PRKAA1: variants seen among roughly 807,000 people sequenced by gnomAD.
PRKAA1 encodes the protein 5'-AMP-activated protein kinase catalytic subunit alpha-1.
A neutral mutation model predicts 56.9 loss-of-function variants in PRKAA1; 23 were observed. That is an observed-to-expected ratio of 0.40 (90% CI 0.29 to 0.57). The LOEUF (loss-of-function observed/expected upper bound fraction) is 0.57. Ranked by LOEUF, PRKAA1 falls within the 20% of genes least tolerant of loss-of-function variation. The pLI, the probability that PRKAA1 is intolerant of heterozygous loss-of-function variation, is 0.39. For missense variants in PRKAA1, 413 were observed against 679.7 expected (o/e 0.61, Z 4.36); for synonymous variants, 226 against 227.0 (o/e 1.00, Z 0.04).
chr5:40,775,638 G>C (rs528523537), intron 2 of PRKAA1, 135 bp from the exon 3 acceptor site: 21 of 635,718 alleles, frequency 3.3e-5, no homozygotes, highest in Non-Finnish European at 5.5e-5. Context: ...AAAATTCTCT[G>C]CTCTCATGGA....
intron 1 of PRKAA1, among the ~76,000 whole-genome samples, chr5:40,795,008 T>TACACACACACAC (rs201435537): frequency 2.0e-5 from 3 of 149,946 alleles, no homozygotes; most frequent in African/African-American, 7.4e-5. Flanking sequence ...TACATATATA[T>TACACACACACAC]ACACACACAC....
At chr5:40,790,528 T>TTTC in intron 1 of PRKAA1, among the ~76,000 whole-genome samples, 1 of 151,242 alleles carries the variant, frequency 6.6e-6, no homozygotes, top group Non-Finnish European at 1.5e-5. Flanking sequence ...ACTCTTTCTT[T>TTTC]TTTTTTTTTT....
At chr5:40,768,948 TA>T (rs1172478518) in intron 5 of PRKAA1, 2 of 1,486,862 alleles carry the variant, frequency 1.3e-6, no homozygotes, top group Admixed American at 3.6e-5. Flanking sequence ...CTAAAAGGTT[TA>T]AAGAACAAAG....
At chr5:40,768,787 GTA>G in intron 5 of PRKAA1, 1 of 1,386,394 alleles carries the variant, frequency 7.2e-7, no homozygotes, top group Non-Finnish European at 9.3e-7. Flanking sequence ...AATTTCAGTA[GTA>G]TAGTGAAGGA....
chr5:40,779,036 C>A (rs1052996778), intron 1 of PRKAA1, among the ~76,000 whole-genome samples: 3 of 151,738 alleles, frequency 2.0e-5, no homozygotes, highest in Non-Finnish European at 4.4e-5. Flanking sequence ...TCAGTTCAAG[C>A]AATCCACCAG....
At chr5:40,772,533 T>C (rs889190592) in intron 3 of PRKAA1, among the ~76,000 whole-genome samples, 2 of 152,110 alleles carry the variant, frequency 1.3e-5, no homozygotes, top group Non-Finnish European at 2.9e-5. Context: ...TAATAAAATA[T>C]CATAGCATTT....
At chr5:40,773,791 A>C (rs575127643) in intron 3 of PRKAA1, among the ~76,000 whole-genome samples, 1 of 152,364 alleles carries the variant, frequency 6.6e-6, no homozygotes, top group South Asian at 2.1e-4. Context: ...TGAAGTAAGA[A>C]GCTTTTAAAC....
chr5:40,793,566 AATATGT>A (rs1744803375), intron 1 of PRKAA1, among the ~76,000 whole-genome samples: 1 of 152,228 alleles, frequency 6.6e-6, no homozygotes, highest in Admixed American at 6.5e-5. Context: ...TAAATTTACC[AATATGT>A]ATAAGTAATT....
At chr5:40,785,108 C>T (rs1231711472) in intron 1 of PRKAA1, among the ~76,000 whole-genome samples, 1 of 152,126 alleles carries the variant, frequency 6.6e-6, no homozygotes, top group Non-Finnish European at 1.5e-5. Context: ...ATTTGAGTAC[C>T]AGCACCTACT....
intron 1 of PRKAA1, among the ~76,000 whole-genome samples, chr5:40,784,621 ATTT>A (rs1409488905): frequency 6.6e-6 from 1 of 152,144 alleles, no homozygotes; most frequent in Non-Finnish European, 1.5e-5. Context: ...AACAAAAACA[ATTT>A]TTTACAACAT....
chr5:40,792,357 G>T (rs901889789), intron 1 of PRKAA1, among the ~76,000 whole-genome samples: 1 of 152,110 alleles, frequency 6.6e-6, no homozygotes, highest in Non-Finnish European at 1.5e-5. Flanking sequence ...TATTAGAAAG[G>T]TTACTTCGAA....
At chr5:40,769,641 A>G (rs1368988631) in intron 4 of PRKAA1, 138 bp from the exon 5 acceptor site, 6 of 677,210 alleles carry the variant, frequency 8.9e-6, no homozygotes. Flanking sequence ...CCTATGGTCT[A>G]TTGTAGCCAA....
At position 40,791,655 on chromosome 5, in the gene PRKAA1, T is replaced by C. The variant is rs570638413; in HGVS notation, c.127+6408A>G. Among the ~76,000 whole-genome samples the C allele has an allele frequency of 4.7e-4, 72 of 152,294 alleles. 1 individual carries two copies. The South Asian group carries it at 7.9e-3, about 17-fold the overall frequency. On this transcript the variant is annotated intron_variant, in intron 1 of 8. Transcript: ENST00000397128. ...CATTCCCACTTTAAAATTGAAAGAA[T>C]AAAAACGTGTTAAGGAAATAGCTTA...
intron 1 of PRKAA1, among the ~76,000 whole-genome samples, chr5:40,785,704 T>C (rs570158109): frequency 6.6e-6 from 1 of 152,258 alleles, no homozygotes; most frequent in South Asian, 2.1e-4. Flanking sequence ...CTGATTGTTA[T>C]CTTATTTGGA....
At chr5:40,784,576 T>A (rs1744393928) in intron 1 of PRKAA1, among the ~76,000 whole-genome samples, 1 of 152,190 alleles carries the variant, frequency 6.6e-6, no homozygotes, top group Admixed American at 6.5e-5. Flanking sequence ...CAGCTTAATT[T>A]GATGTGAGTT....
intron 1 of PRKAA1, among the ~76,000 whole-genome samples, chr5:40,790,631 C>T (rs777691879): frequency 2.6e-5 from 4 of 151,946 alleles, no homozygotes; most frequent in Admixed American, 6.6e-5. Flanking sequence ...CCTCTGCCTC[C>T]GGGGTTCAAG....
chr5:40,781,298 T>G (rs1285169025), intron 1 of PRKAA1, among the ~76,000 whole-genome samples: 1 of 152,136 alleles, frequency 6.6e-6, no homozygotes, highest in Non-Finnish European at 1.5e-5. Flanking sequence ...CCAGTAGAAT[T>G]TAGACAGTCA....
At chr5:40,778,856 A>G (rs1202006936) in intron 1 of PRKAA1, among the ~76,000 whole-genome samples, 1 of 136,158 alleles carries the variant, frequency 7.3e-6, no homozygotes, top group Non-Finnish European at 1.5e-5. Context: ...TCACAATCAG[A>G]GCTCACTGCA....
At position 40,795,224 on chromosome 5, in the gene PRKAA1, A is replaced by G. The variant is rs141427840; in HGVS notation, c.127+2839T>C. 8.5e-3 allele frequency among the ~76,000 whole-genome samples: 1,295 copies of G among 152,192 alleles called. 8 individuals carry two copies. The highest frequency in any genetic ancestry group is 0.013 in the Non-Finnish European group (906 of 68,010). ...AGGCATAAGAATGATACAGTGGACT[A>G]TGGGGACTTGAGGGGGAAGAGTGGG... is the stretch of plus-strand genomic sequence containing the variant. On this transcript the variant is annotated intron_variant, in intron 1 of 8. Coordinates refer to ENST00000397128, the MANE Select transcript of PRKAA1 (RefSeq NM_006251.6).
Sources: gnomAD v4.1 joint callset for allele counts (sites outside exome capture counted in the v4.1 genomes callset) on GRCh38, gnomAD v4.1.1 for gene constraint, MANE v1.5 for transcripts, NCBI Gene and HGNC (gene_info 2026-07-23, HGNC 2026-07-21) for gene names.